Variants in PBXIP1 observed in about 807,000 individuals in gnomAD.
The protein encoded by PBXIP1 is pre-B-cell leukemia transcription factor-interacting protein 1.
In PBXIP1, 73 loss-of-function variants were observed where a neutral mutation model predicts 73.7. That is an observed-to-expected ratio of 0.99 (90% confidence interval 0.82 to 1.20). The LOEUF (loss-of-function observed/expected upper bound fraction) is 1.20, where lower values mean the gene tolerates loss of function less well. PBXIP1 is among the 50% of genes most tolerant of loss of function. The pLI, the probability that PBXIP1 is intolerant of heterozygous loss-of-function variation, is 0.00. For missense variants in PBXIP1, 818 were observed against 911.4 expected, an observed-to-expected ratio of 0.90 and a Z score of 1.32; for synonymous variants, 330 against 366.9, an observed-to-expected ratio of 0.90 and a Z score of 1.15.
chr1:154,947,983 A>G lies in PBXIP1; in HGVS notation c.666T>C (p.Thr222=), dbSNP rs1654885700. The change falls in exon 7 of 11, where the codon ACT becomes ACC. Residue 222 remains threonine (T), a splice_region_variant and synonymous_variant. Coordinates refer to ENST00000368463, the MANE Select transcript of PBXIP1 (RefSeq NM_020524.4). The part of the protein sequence containing the change: ...LFSGGLSESE[T]GPMEEVERQV... ...CAAGACAGGCTCCTCCCTACTCACC[A>G]GTCTCAGACTCTGAGAGGCCACCTA... 6.2e-7 allele frequency: 1 copy of G among 1,613,492 alleles called. No individual in the cohort carries two copies. Among genetic ancestry groups the G allele is most frequent in the Admixed American group, 1.7e-5 (1 of 59,954 alleles).
intron 1 of PBXIP1, chr1:154,954,933 T>G: frequency 5.1e-6 from 5 of 978,954 alleles, no homozygotes; most frequent in Non-Finnish European, 4.9e-6. Context: ...GAAGTGAGGC[T>G]GGGAGAGTAT....
At chr1:154,952,893 A>G (rs1655054728) in intron 2 of PBXIP1, among the ~76,000 whole-genome samples, 1 of 151,952 alleles carries the variant, frequency 6.6e-6, no homozygotes. Flanking sequence ...TGGGTTCCTC[A>G]AGGGCACCTC....
rs548488525 is a variant in PBXIP1, at chr1:154,944,670, G to A, written c.*354C>T. ...CATGTGGGTCAAGGGGCCCACTATG[G>A]GGACATACACTCAAGAGGATGAAAG... On this transcript the variant is annotated 3_prime_UTR_variant, in exon 11 of 11. Coordinates refer to ENST00000368463, the MANE Select transcript of PBXIP1 (RefSeq NM_020524.4). The A allele has an allele frequency of 1.3e-3, 262 of 200,148 alleles. No homozygotes were observed. Among genetic ancestry groups the A allele is most frequent in the Non-Finnish European group, 2.3e-3 (221 of 97,072 alleles). The allele number at this position is 200,148 out of a possible 1,614,324, so 12.4% of individuals were successfully genotyped here.
At chr1:154,948,791 CAT>C (rs770588773) in intron 5 of PBXIP1, among the ~76,000 whole-genome samples, 11 of 152,138 alleles carry the variant, frequency 7.2e-5, no homozygotes, top group Admixed American at 2.6e-4. Context: ...TCACTGTACA[CAT>C]AGTCACAATT....
Position 154,946,408 on chromosome 1 carries a change from C to T in PBXIP1, c.1266G>A (p.Gly422=), listed in dbSNP as rs1175306697. 3 of 1,611,508 alleles carry T rather than the reference C, an allele frequency of 1.9e-6. No individual in the cohort carries two copies. The highest frequency in any genetic ancestry group is 4.5e-5 in the East Asian group (2 of 44,888). The change falls in exon 10 of 11, where the codon GGG becomes GGA. Residue 422 remains glycine (G), a synonymous_variant. Transcript: ENST00000368463. ...LERSLQDASR[G]DPAHAGLAEL... ...CAGCCAAGCCAGCATGAGCTGGGTCCCCGCGGCTGGCATCCTGCAAGCTCC... is the reference window on the plus strand; with the variant it reads ...CAGCCAAGCCAGCATGAGCTGGGTCTCCGCGGCTGGCATCCTGCAAGCTCC...
rs961260880 is a variant in PBXIP1 at position 154,946,580 on chromosome 1, G to C, written c.1094C>G (p.Ala365Gly). The change falls in exon 10 of 11, where the codon GCC becomes GGC. Residue 365 changes from alanine to glycine, a missense_variant. Ala to Gly is a moderately conservative substitution (Grantham distance 60, BLOSUM62 0). Coordinates refer to ENST00000368463, the MANE Select transcript of PBXIP1 (RefSeq NM_020524.4). ...CTCCCTGGGGCCTTGCTCCCTGATG[G>C]CCTTGTCACCCTGTGGGCCTCTACC... ...SGGRGPQGDKAIREQGPREQE... is the reference protein window; with the variant it reads ...SGGRGPQGDKGIREQGPREQE... 1 of 1,612,946 alleles carries C rather than the reference G, an allele frequency of 6.2e-7. No homozygotes were observed. The highest frequency in any genetic ancestry group is 8.5e-7 in the Non-Finnish European group (1 of 1,179,868).
At chr1:154,945,237 T>C in intron 10 of PBXIP1, 120 bp from the exon 11 acceptor site, 1 of 710,546 alleles carries the variant, frequency 1.4e-6, no homozygotes, top group South Asian at 1.8e-5. Flanking sequence ...CAAGCATATG[T>C]GGGAAAAACC....
Position 154,951,631 on chromosome 1 carries a change from GA to G in PBXIP1, c.179-97del. 5.5e-6 allele frequency: 8 copies of G among 1,462,710 alleles called. No homozygotes were observed. Among genetic ancestry groups the G allele is most frequent in the Non-Finnish European group, 7.6e-6 (8 of 1,047,604 alleles). The allele number at this position is 1,462,710 out of a possible 1,614,324, so 90.6% of individuals were successfully genotyped here. A position where few individuals can be genotyped will look rare whatever the true frequency, so the allele number is the denominator to read the frequency against. ...CCCACGGGCCCCTACCAGGTTGGAAGAGGCAGGAAAAAGCCAGGATGGAATG... is the reference window on the plus strand; with the variant it reads ...CCCACGGGCCCCTACCAGGTTGGAAGGGCAGGAAAAAGCCAGGATGGAATG... On this transcript the variant is annotated intron_variant, in intron 3 of 10. Transcript: ENST00000368463. The surrounding 1 kb of genome is among the most constrained non-coding windows in gnomAD (Gnocchi z 4.3).
At chr1:154,953,525 T>C in intron 2 of PBXIP1, 146 bp downstream of exon 2, 1 of 616,636 alleles carries the variant, frequency 1.6e-6, no homozygotes, top group Non-Finnish European at 2.9e-6. Context: ...TACTTCTTCC[T>C]GCTACTGGAA....
chr1:154,949,159 T>C (rs964672643), intron 5 of PBXIP1, among the ~76,000 whole-genome samples: 16 of 151,758 alleles, frequency 1.1e-4, no homozygotes, highest in Admixed American at 7.2e-4. Context: ...TAATATTTAT[T>C]TATTTTTATT....
Position 154,944,593 on chromosome 1 carries a change from C to G in PBXIP1, c.*431G>C, listed in dbSNP as rs1233917573. The G allele has an allele frequency of 6.3e-6, 1 of 158,096 alleles. No homozygotes were observed. The highest frequency in any genetic ancestry group is 1.4e-5 in the Non-Finnish European group (1 of 71,818). The allele number at this position is 158,096 out of a possible 1,614,324, so 9.8% of individuals were successfully genotyped here. On this transcript the variant is annotated 3_prime_UTR_variant, in exon 11 of 11. Coordinates refer to ENST00000368463, the MANE Select transcript of PBXIP1 (RefSeq NM_020524.4). ...CTAACAAAACCCCAGGGTAAGTCCT[C>G]GTGCTGGGCCTCGAGCCAGCAACTC...
At chr1:154,949,118 G>C (rs1654927598) in intron 5 of PBXIP1, among the ~76,000 whole-genome samples, 1 of 151,222 alleles carries the variant, frequency 6.6e-6, no homozygotes, top group African/African-American at 2.4e-5. Flanking sequence ...ACCTGCCTTA[G>C]TTCAGGTCTG....
At position 154,944,976 on chromosome 1, in the gene PBXIP1, G is replaced by A; in HGVS notation, c.*48C>T. 1 of 1,469,324 alleles carries A rather than the reference G, an allele frequency of 6.8e-7. No homozygotes were observed. Among genetic ancestry groups the A allele is most frequent in the Non-Finnish European group, 9.5e-7 (1 of 1,049,732 alleles). The allele number at this position is 1,469,324 out of a possible 1,614,324, so 91.0% of individuals were successfully genotyped here. A position where few individuals can be genotyped will look rare whatever the true frequency, so the allele number is the denominator to read the frequency against. On this transcript the variant is annotated 3_prime_UTR_variant, in exon 11 of 11. Transcript: ENST00000368463. ...ACCCTCCAGGAGTTAGATAACGCTG[G>A]GATCTTGGGCTGGGCCAGGCCAAGG...
chr1:154,955,233 C>T (rs1247924831), intron 1 of PBXIP1, among the ~76,000 whole-genome samples: 1 of 152,140 alleles, frequency 6.6e-6, no homozygotes, highest in Non-Finnish European at 1.5e-5. Flanking sequence ...GCTCCACCCC[C>T]GCCCTTGTTA....
At chr1:154,947,757 G>T (rs1312865882) in intron 7 of PBXIP1, 45 bp from the exon 8 acceptor site, 1 of 1,572,832 alleles carries the variant, frequency 6.4e-7, no homozygotes, top group Admixed American at 1.7e-5. Flanking sequence ...GGCACACAGA[G>T]CCCATTCTCC....
intron 1 of PBXIP1, among the ~76,000 whole-genome samples, chr1:154,954,477 G>A (rs1655113559): frequency 6.6e-6 from 1 of 152,202 alleles, no homozygotes; most frequent in African/African-American, 2.4e-5. Context: ...CCTTTTATAA[G>A]TCTCCTCATC....
chr1:154,948,304 C>T lies in PBXIP1; in HGVS notation c.472G>A (p.Gly158Ser), dbSNP rs746041904. The T allele has an allele frequency of 6.2e-7, 1 of 1,611,244 alleles. No individual in the cohort carries two copies. Among genetic ancestry groups the T allele is most frequent in the Non-Finnish European group, 8.5e-7 (1 of 1,179,046 alleles). Residue 158 changes from glycine (G) to serine (S), a missense_variant, in exon 6 of 11, where the codon GGT becomes AGT. Physicochemically the swap from Gly to Ser is moderately conservative, Grantham distance 56. Transcript: ENST00000368463. ...SDDDTDVDME[G>S]LRRRRGREAG... ...TCCCGGCCCCGCCGTCTCCGCAGACCCTCCATGTCCACGTCGGTGTCATCG... is the reference window on the plus strand; with the variant it reads ...TCCCGGCCCCGCCGTCTCCGCAGACTCTCCATGTCCACGTCGGTGTCATCG...
chr1:154,950,215 C>T (rs1464158911), intron 5 of PBXIP1: 6 of 152,774 alleles, frequency 3.9e-5, no homozygotes, highest in Non-Finnish European at 5.8e-5. Context: ...TTAATAGAGA[C>T]GGGGTTTCAC....
At position 154,951,821 on chromosome 1, in the gene PBXIP1, T is replaced by C. The variant is rs1355174277; in HGVS notation, c.152A>G (p.Glu51Gly). The change falls in exon 3 of 11, where the codon GAA becomes GGA. Residue 51 changes from glutamate (E) to glycine (G), a missense_variant. Physicochemically the swap from Glu to Gly is moderately conservative, Grantham distance 98. Transcript: ENST00000368463. This position sits in a 1 kb window ranked among gnomAD's most constrained non-coding sequence, Gnocchi z 4.3. ...TTCTCCATCCATGGTCCCAGCTAATTCTTTCCCATCTGTCTTGGAGGGGCT... is the reference window on the plus strand; with the variant it reads ...TTCTCCATCCATGGTCCCAGCTAATCCTTTCCCATCTGTCTTGGAGGGGCT... ...PHSPSKTDGK[E>G]LAGTMDGEGT... is the part of the protein sequence containing the mutation. 7 of 1,613,928 alleles carry C rather than the reference T, an allele frequency of 4.3e-6. No homozygotes were observed. The African/African-American group carries it at 6.7e-5, about 15-fold the overall frequency.
Sources: allele counts gnomAD v4.1 joint callset (sites outside exome capture counted in the v4.1 genomes callset), GRCh38; gene constraint gnomAD v4.1.1; non-coding constraint Gnocchi (gnomAD v3.1); transcripts MANE v1.5; gene names NCBI Gene and HGNC (gene_info 2026-07-23, HGNC 2026-07-21).